DLGAP2: variants seen among roughly 807,000 people sequenced by gnomAD.
The protein encoded by DLGAP2 is disks large-associated protein 2.
A neutral mutation model predicts 100.3 loss-of-function variants in DLGAP2; 26 were observed. The observed-to-expected ratio is 0.26, with a 90% CI of 0.19 to 0.36. The LOEUF (loss-of-function observed/expected upper bound fraction) is 0.36, where lower values mean the gene tolerates loss of function less well. Among genes scored for constraint, DLGAP2 ranks in the 10% least tolerant of loss-of-function variants. The probability of loss-of-function intolerance (pLI) is 1.00; values close to 1 mark genes in which losing one functional copy is unlikely to be tolerated. For missense variants in DLGAP2, 1,858 were observed against 1,453.2 expected (o/e 1.28, Z -4.53); for synonymous variants, 886 against 630.1 (o/e 1.41, Z -6.08).
At chr8:1,488,953 A>T (rs748906101) in intron 3 of DLGAP2, among the ~76,000 whole-genome samples, 25 of 152,164 alleles carry the variant, frequency 1.6e-4, no homozygotes, top group Non-Finnish European at 3.4e-4. Flanking sequence ...ATCTTTTTTC[A>T]GAAACTGATT....
intron 8 of DLGAP2, among the ~76,000 whole-genome samples, chr8:1,634,656 C>G (rs2130783845): frequency 6.6e-6 from 1 of 152,272 alleles, no homozygotes; most frequent in African/African-American, 2.4e-5. Context: ...CTCATACTTT[C>G]AGCAGTATTT....
chr8:848,922 G>A (rs192159083), intron 1 of DLGAP2, among the ~76,000 whole-genome samples: 6,139 of 149,774 alleles, frequency 0.041, 188 homozygotes, highest in African/African-American at 0.083. Context: ...ATAGGAACGC[G>A]CGGTGCCTGT....
At chr8:1,683,962 A>ATGTGTGTG (rs1342305980) in intron 12 of DLGAP2, among the ~76,000 whole-genome samples, 3 of 85,656 alleles carry the variant, frequency 3.5e-5, no homozygotes, top group African/African-American at 5.0e-5. Flanking sequence ...GTGTATATAT[A>ATGTGTGTG]TATATATATA....
At chr8:783,413 G>A (rs1043722646) in intron 1 of DLGAP2, among the ~76,000 whole-genome samples, 10 of 152,118 alleles carry the variant, frequency 6.6e-5, no homozygotes, top group Admixed American at 4.6e-4. Flanking sequence ...TTACATACAC[G>A]GGAAAGTATC....
intron 2 of DLGAP2, among the ~76,000 whole-genome samples, chr8:1,118,776 A>C (rs1288064289): frequency 1.3e-5 from 2 of 152,204 alleles, no homozygotes; most frequent in East Asian, 3.9e-4. Context: ...ACTAAATTAA[A>C]TGATGGAAAA....
chr8:1,338,921 GCA>G (rs1801353570), intron 3 of DLGAP2, among the ~76,000 whole-genome samples: 13 of 148,554 alleles, frequency 8.8e-5, no homozygotes, highest in African/African-American at 1.5e-4. Flanking sequence ...TCAGGACCTG[GCA>G]GGGAATGCAA....
At chr8:1,005,823 A>G (rs368620194) in intron 2 of DLGAP2, among the ~76,000 whole-genome samples, 114 of 152,218 alleles carry the variant, frequency 7.5e-4, no homozygotes, top group South Asian at 2.3e-3. Flanking sequence ...TTGAAATTCA[A>G]TGACCCAAAT....
chr8:1,162,898 T>A (rs887258220), intron 2 of DLGAP2, among the ~76,000 whole-genome samples: 14 of 152,216 alleles, frequency 9.2e-5, no homozygotes, highest in African/African-American at 2.4e-4. Flanking sequence ...TGGGCTGGGG[T>A]CCACGATGGC....
chr8:1,384,284 C>G (rs1055217169), intron 3 of DLGAP2, among the ~76,000 whole-genome samples: 16 of 152,256 alleles, frequency 1.1e-4, no homozygotes, highest in Non-Finnish European at 2.1e-4. Context: ...GCACTCTCCT[C>G]TGCCGTGGCC....
chr8:1,301,160 C>G (rs1426412136), intron 3 of DLGAP2: 1 of 152,386 alleles, frequency 6.6e-6, no homozygotes, highest in Non-Finnish European at 1.5e-5. Flanking sequence ...TAGCCAAGTC[C>G]TTCTGGCTCC....
At chr8:1,040,424 G>A (rs368760233) in intron 2 of DLGAP2, among the ~76,000 whole-genome samples, 9 of 139,016 alleles carry the variant, frequency 6.5e-5, no homozygotes, top group South Asian at 2.5e-4. Context: ...GTGCGTGGTC[G>A]GCTCAATGTG....
intron 3 of DLGAP2, among the ~76,000 whole-genome samples, chr8:1,434,619 G>A (rs372894319): frequency 6.6e-6 from 1 of 152,124 alleles, no homozygotes; most frequent in Non-Finnish European, 1.5e-5. Context: ...TGGGACTACA[G>A]GCGTGCGCCA....
chr8:1,268,942 C>G (rs1057342575), intron 3 of DLGAP2, among the ~76,000 whole-genome samples: 1 of 152,198 alleles, frequency 6.6e-6, no homozygotes, highest in Non-Finnish European at 1.5e-5. Context: ...CAGTGGAACC[C>G]TCAGCTCTAT....
At chr8:754,801 C>T (rs1820883219) in intron 1 of DLGAP2, among the ~76,000 whole-genome samples, 1 of 152,158 alleles carries the variant, frequency 6.6e-6, no homozygotes. Flanking sequence ...ACACACGCCA[C>T]TGCACTCCAG....
At chr8:1,622,621 G>A (rs1246068573) in intron 6 of DLGAP2, among the ~76,000 whole-genome samples, 4 of 152,306 alleles carry the variant, frequency 2.6e-5, no homozygotes, top group East Asian at 1.9e-4. Flanking sequence ...ACAGCTTTCC[G>A]TCTCGCCTGT....
At chr8:1,681,063 G>A (rs1798931768) in intron 12 of DLGAP2, among the ~76,000 whole-genome samples, 1 of 151,926 alleles carries the variant, frequency 6.6e-6, no homozygotes, top group Non-Finnish European at 1.5e-5. Flanking sequence ...TAGGAGAGAG[G>A]AAAAAATTTA....
chr8:1,268,733 A>G (rs7006713), intron 3 of DLGAP2, among the ~76,000 whole-genome samples: 22,157 of 152,120 alleles, frequency 0.15, 1,775 homozygotes, highest in Non-Finnish European at 0.16. Flanking sequence ...TCAACTTACT[A>G]CTTGTTTCTT....
At chr8:1,534,754 G>A (rs1584900230) in intron 4 of DLGAP2, among the ~76,000 whole-genome samples, 1 of 147,442 alleles carries the variant, frequency 6.8e-6, no homozygotes, top group East Asian at 2.0e-4. Context: ...GTGTGTGTTT[G>A]TGTGTGCATG....
At chr8:1,073,758 A>G (rs1803505479) in intron 2 of DLGAP2, among the ~76,000 whole-genome samples, 2 of 152,216 alleles carry the variant, frequency 1.3e-5, no homozygotes, top group South Asian at 4.1e-4. Context: ...GAAAGTTAGT[A>G]ATCCTGAGAA....
Sources: gnomAD v4.1 joint callset for allele counts (sites outside exome capture counted in the v4.1 genomes callset) on GRCh38, gnomAD v4.1.1 for gene constraint, MANE v1.5 for transcripts, NCBI Gene and HGNC (gene_info 2026-07-23, HGNC 2026-07-21) for gene names.